GMDS: variants seen among roughly 807,000 people sequenced by gnomAD.
The protein encoded by GMDS is GDP-mannose 4,6 dehydratase.
A neutral mutation model predicts 49.9 loss-of-function variants in GMDS; 20 were observed. The observed-to-expected ratio is 0.40, with a 90% CI of 0.28 to 0.58. GMDS has a LOEUF of 0.58. GMDS is among the 20% of genes least tolerant of loss of function. The pLI is 0.42. For missense variants in GMDS, 362 were observed against 481.4 expected, an observed-to-expected ratio of 0.75 and a Z score of 2.32; for synonymous variants, 177 against 178.6, an observed-to-expected ratio of 0.99 and a Z score of 0.07.
At chr6:2,212,840 CT>C (rs2127584091) in intron 1 of GMDS, among the ~76,000 whole-genome samples, 1 of 152,082 alleles carries the variant, frequency 6.6e-6, no homozygotes, top group East Asian at 1.9e-4. Context: ...GTGTCATCCT[CT>C]GGAAAGCTTA....
intron 7 of GMDS, among the ~76,000 whole-genome samples, chr6:1,801,397 T>C (rs550111822): frequency 3.3e-5 from 5 of 152,302 alleles, no homozygotes; most frequent in Admixed American, 3.3e-4. Flanking sequence ...AGTAGATAAG[T>C]AATTAGTAAC....
rs760341700 is a variant in GMDS at position 1,742,595 on chromosome 6, A to G, written c.772-9T>C. 1 of 1,465,280 alleles carries G rather than the reference A, an allele frequency of 6.8e-7. No individual in the cohort carries two copies. Among genetic ancestry groups the G allele is most frequent in the Non-Finnish European group, 9.5e-7 (1 of 1,047,796 alleles). 90.8% of individuals were successfully genotyped at this position (1,465,280 alleles called of 1,614,324 possible). A position where few individuals can be genotyped will look rare whatever the true frequency, so the allele number is the denominator to read the frequency against. On this transcript the variant is annotated splice_polypyrimidine_tract_variant and intron_variant, in intron 7 of 10. Transcript: ENST00000380815. ...AACATCAACCACATAGCCTAGAGGG[A>G]AAGAGAGGCAAGTTCACTTTGAAGT...
chr6:1,814,824 A>C (rs1442768143), intron 7 of GMDS, among the ~76,000 whole-genome samples: 1 of 152,200 alleles, frequency 6.6e-6, no homozygotes, highest in African/African-American at 2.4e-5. Context: ...AAAACAAATT[A>C]AACAACTGGC....
chr6:1,716,376 C>T (rs911665093), intron 9 of GMDS, among the ~76,000 whole-genome samples: 2 of 152,190 alleles, frequency 1.3e-5, no homozygotes, highest in African/African-American at 2.4e-5. Flanking sequence ...AGAATTTGAA[C>T]CCATCAGGGG....
chr6:2,061,506 C>A, intron 4 of GMDS, among the ~76,000 whole-genome samples: 1 of 151,962 alleles, frequency 6.6e-6, no homozygotes, highest in East Asian at 1.9e-4. Context: ...CACTTGAGGC[C>A]AGGACTTGGA....
At chr6:2,046,217 A>C (rs1344377734) in intron 4 of GMDS, among the ~76,000 whole-genome samples, 1 of 152,206 alleles carries the variant, frequency 6.6e-6, no homozygotes. Context: ...TGTCTCAAAA[A>C]AGTAAAATAA....
chr6:2,115,173 A>G (rs181571821), intron 4 of GMDS, among the ~76,000 whole-genome samples: 2 of 152,298 alleles, frequency 1.3e-5, no homozygotes, highest in Admixed American at 1.3e-4. Context: ...GCAGACCACT[A>G]GAACCCTAAG....
At chr6:1,988,830 T>C (rs1386010695) in intron 4 of GMDS, among the ~76,000 whole-genome samples, 2 of 150,722 alleles carry the variant, frequency 1.3e-5, no homozygotes, top group South Asian at 2.1e-4. Flanking sequence ...GAATAGGATA[T>C]AGATAAATGG....
chr6:1,930,935 A>G (rs1046205623), intron 6 of GMDS: 1 of 152,220 alleles, frequency 6.6e-6, no homozygotes, highest in Non-Finnish European at 1.5e-5. Flanking sequence ...AATTTTGTGT[A>G]ATATTTTGAA....
At position 1,954,441 on chromosome 6, in the gene GMDS, T is replaced by C. The variant is rs145591149; in HGVS notation, c.643+5426A>G. ...CACTGACTCTTCCTTTCAGGAAAGA[T>C]TTCTCTGTAGCATCCAGTGCTGTGT... On this transcript the variant is annotated intron_variant, in intron 6 of 10. Coordinates refer to ENST00000380815, the MANE Select transcript of GMDS (RefSeq NM_001500.4). 3.0e-3 allele frequency among the ~76,000 whole-genome samples: 464 copies of C among 152,380 alleles called. 1 individual carries two copies. Among genetic ancestry groups the C allele is most frequent in the Non-Finnish European group, 3.9e-3 (266 of 68,036 alleles).
chr6:2,197,279 A>C (rs1779314079), intron 1 of GMDS, among the ~76,000 whole-genome samples: 2 of 152,128 alleles, frequency 1.3e-5, no homozygotes, highest in South Asian at 2.1e-4. Flanking sequence ...CAGCTCTCCA[A>C]GTGGAAACAC....
chr6:1,841,209 T>C (rs1342463662), intron 7 of GMDS, among the ~76,000 whole-genome samples: 1 of 152,180 alleles, frequency 6.6e-6, no homozygotes, highest in African/African-American at 2.4e-5. Flanking sequence ...GTGCTGGAAG[T>C]GCTAAAAATC....
intron 7 of GMDS, among the ~76,000 whole-genome samples, chr6:1,802,403 C>G (rs1046361914): frequency 2.0e-5 from 3 of 152,180 alleles, no homozygotes; most frequent in African/African-American, 7.2e-5. Context: ...ATATCTCAAA[C>G]TAATAAGGCA....
At chr6:2,128,910 G>T (rs1332738208) in intron 1 of GMDS, among the ~76,000 whole-genome samples, 1 of 152,194 alleles carries the variant, frequency 6.6e-6, no homozygotes, top group East Asian at 1.9e-4. Flanking sequence ...CCATGCAGTT[G>T]TTCAGTGTTG....
chr6:1,960,202 A>G (rs1763861260), intron 5 of GMDS, among the ~76,000 whole-genome samples: 1 of 152,220 alleles, frequency 6.6e-6, no homozygotes, highest in South Asian at 2.1e-4. Flanking sequence ...TTATTTGACA[A>G]TCGAATTGAT....
intron 9 of GMDS, chr6:1,624,752 G>C (rs1762795529): frequency 2.0e-6 from 1 of 493,548 alleles, no homozygotes. Context: ...GCGGACCCGT[G>C]AGGACCGTGA....
intron 7 of GMDS, among the ~76,000 whole-genome samples, chr6:1,839,500 T>C (rs1164435883): frequency 3.3e-5 from 5 of 152,194 alleles, no homozygotes; most frequent in East Asian, 1.9e-4. Context: ...CTAGATACTT[T>C]ATGGAGCTGA....
intron 9 of GMDS, among the ~76,000 whole-genome samples, chr6:1,659,062 C>T (rs1417587438): frequency 6.6e-6 from 1 of 152,308 alleles, no homozygotes; most frequent in Non-Finnish European, 1.5e-5. Context: ...TGGCAAACTC[C>T]TCATGAACCA....
At chr6:1,907,991 C>A (rs1561880777) in intron 7 of GMDS, among the ~76,000 whole-genome samples, 1 of 152,170 alleles carries the variant, frequency 6.6e-6, no homozygotes, top group Non-Finnish European at 1.5e-5. Context: ...ACAACAAGAA[C>A]TAATAATAGA....
Sources: allele counts gnomAD v4.1 joint callset (sites outside exome capture counted in the v4.1 genomes callset), GRCh38; gene constraint gnomAD v4.1.1; transcripts MANE v1.5; gene names NCBI Gene and HGNC (gene_info 2026-07-23, HGNC 2026-07-21).